EIPR1: variants seen among roughly 807,000 people sequenced by gnomAD.
EIPR1 encodes EARP and GARP complex-interacting protein 1.
In EIPR1, 25 loss-of-function variants were observed where a neutral mutation model predicts 48.1. That is an observed-to-expected ratio of 0.52 (90% CI 0.38 to 0.73). EIPR1 has a LOEUF of 0.73. Among genes scored for constraint, EIPR1 ranks in the 30% least tolerant of loss-of-function variants. EIPR1 has a pLI of 0.00. For missense variants in EIPR1, 415 were observed against 506.2 expected, an observed-to-expected ratio of 0.82 and a Z score of 1.73; for synonymous variants, 204 against 201.9, an observed-to-expected ratio of 1.01 and a Z score of -0.09.
chr2:3,347,066 G>A (rs1339804326), intron 2 of EIPR1, among the ~76,000 whole-genome samples: 3 of 152,026 alleles, frequency 2.0e-5, no homozygotes, highest in African/African-American at 7.2e-5. Flanking sequence ...CTTTGCTCCC[G>A]CCCTCGCCAT....
At chr2:3,243,660 A>G (rs1274138966) in intron 4 of EIPR1, among the ~76,000 whole-genome samples, 1 of 152,154 alleles carries the variant, frequency 6.6e-6, no homozygotes, top group Non-Finnish European at 1.5e-5. Context: ...AATTAAATTA[A>G]AAATTTTTTT....
intron 1 of EIPR1, among the ~76,000 whole-genome samples, chr2:3,371,842 G>C (rs867873007): frequency 6.6e-6 from 1 of 152,060 alleles, no homozygotes; most frequent in African/African-American, 2.4e-5. Flanking sequence ...AAGTTAAAAA[G>C]GATACCCAGG....
chr2:3,334,290 T>G (rs1337872306), intron 3 of EIPR1, among the ~76,000 whole-genome samples: 1 of 152,268 alleles, frequency 6.6e-6, no homozygotes, highest in African/African-American at 2.4e-5. Context: ...GAAGTGATGA[T>G]TTAAGCAATG....
intron 1 of EIPR1, among the ~76,000 whole-genome samples, chr2:3,371,725 C>A (rs570158968): frequency 6.6e-6 from 1 of 152,314 alleles, no homozygotes; most frequent in South Asian, 2.1e-4. Flanking sequence ...CACCCAGATT[C>A]ATAAAGTAAG....
intron 1 of EIPR1, among the ~76,000 whole-genome samples, chr2:3,358,563 C>A (rs1670786617): frequency 6.6e-6 from 1 of 152,238 alleles, no homozygotes; most frequent in Non-Finnish European, 1.5e-5. Flanking sequence ...TCTGCTGCAA[C>A]TTCCCTGGAC....
At chr2:3,314,578 G>C (rs1572430210) in intron 3 of EIPR1, among the ~76,000 whole-genome samples, 2 of 152,140 alleles carry the variant, frequency 1.3e-5, no homozygotes, top group East Asian at 3.9e-4. Context: ...ACAGGCAGAA[G>C]AGGAGCAGGA....
intron 3 of EIPR1, among the ~76,000 whole-genome samples, chr2:3,276,995 G>C (rs1051551906): frequency 5.9e-5 from 9 of 152,262 alleles, no homozygotes; most frequent in Non-Finnish European, 1.0e-4. Context: ...TGTCAGTTAC[G>C]GGTACTGTGT....
chr2:3,313,151 G>A (rs1036115232), intron 3 of EIPR1, among the ~76,000 whole-genome samples: 1 of 152,190 alleles, frequency 6.6e-6, no homozygotes, highest in African/African-American at 2.4e-5. Context: ...TGCGATGAGG[G>A]CTGCACTTCT....
At position 3,257,409 on chromosome 2, in the gene EIPR1, C is replaced by T. The variant is rs1667193014; in HGVS notation, c.306G>A (p.Pro102=). The T allele has an allele frequency of 1.9e-6, 3 of 1,614,192 alleles. No homozygotes were observed. Among genetic ancestry groups the T allele is most frequent in the Non-Finnish European group, 2.5e-6 (3 of 1,180,038 alleles). ...VLTCAAVWRM[P]KELESGSHES... is the part of the protein sequence containing the mutation. ...CGTGGCTGCCTGATTCCAATTCCTT[C>T]GGCATCCTCCACACGGCTGCACATG... The change falls in exon 4 of 9, where the codon CCG becomes CCA. Residue 102 remains proline (P), a synonymous_variant. Coordinates refer to ENST00000382125, the MANE Select transcript of EIPR1 (RefSeq NM_003310.5).
chr2:3,228,524 ATGAGT>A (rs566168254), intron 4 of EIPR1, among the ~76,000 whole-genome samples: 5 of 152,342 alleles, frequency 3.3e-5, no homozygotes, highest in East Asian at 3.9e-4. Context: ...TAATGCTGGA[ATGAGT>A]TAAGACTTTG....
At chr2:3,353,719 G>A (rs956416373) in intron 2 of EIPR1, among the ~76,000 whole-genome samples, 1 of 152,204 alleles carries the variant, frequency 6.6e-6, no homozygotes, top group African/African-American at 2.4e-5. Context: ...CTCTAAGGAT[G>A]TATCACTGAA....
chr2:3,203,517 G>C (rs1033796276), intron 5 of EIPR1, among the ~76,000 whole-genome samples: 2 of 152,260 alleles, frequency 1.3e-5, no homozygotes, highest in Admixed American at 1.3e-4. Context: ...AGTCGGACAG[G>C]AGAGCCCGCA....
intron 8 of EIPR1, among the ~76,000 whole-genome samples, chr2:3,192,167 G>C (rs1345965230): frequency 6.6e-6 from 1 of 152,176 alleles, no homozygotes; most frequent in Non-Finnish European, 1.5e-5. Context: ...CATTCAATAA[G>C]AATACAAACA....
chr2:3,191,265 T>C (rs62118986), intron 8 of EIPR1, among the ~76,000 whole-genome samples: 91 of 17,866 alleles, frequency 5.1e-3, no homozygotes, highest in African/African-American at 0.02. Flanking sequence ...AGAGAGGGTC[T>C]GAAGACAGAG....
At chr2:3,205,797 G>T (rs148863262) in intron 5 of EIPR1, among the ~76,000 whole-genome samples, 5 of 152,332 alleles carry the variant, frequency 3.3e-5, no homozygotes, top group Non-Finnish European at 7.4e-5. Flanking sequence ...TTGAGGCTTG[G>T]CTCCAGCTCC....
At chr2:3,318,349 C>T (rs984669186) in intron 3 of EIPR1, among the ~76,000 whole-genome samples, 6 of 152,186 alleles carry the variant, frequency 3.9e-5, no homozygotes, top group African/African-American at 7.2e-5. Context: ...TAGAGCAGGA[C>T]GCCGTGAGGA....
At chr2:3,307,117 C>A (rs113051807) in intron 3 of EIPR1, among the ~76,000 whole-genome samples, 1 of 152,010 alleles carries the variant, frequency 6.6e-6, no homozygotes, top group African/African-American at 2.4e-5. Context: ...CGCCTGCCAC[C>A]ACACCCTGCT....
intron 4 of EIPR1, among the ~76,000 whole-genome samples, chr2:3,240,908 A>G (rs879601143): frequency 0.086 from 6,414 of 74,592 alleles, 54 homozygotes; most frequent in Non-Finnish European, 0.11. Flanking sequence ...AAGCCAGCAG[A>G]TCCTTCCTAA....
At chr2:3,201,452 C>T (rs905839452) in intron 5 of EIPR1, among the ~76,000 whole-genome samples, 5 of 152,206 alleles carry the variant, frequency 3.3e-5, no homozygotes, top group Non-Finnish European at 5.9e-5. Flanking sequence ...CTTCTCATTA[C>T]GTTTGCGGCA....
Sources: allele counts gnomAD v4.1 joint callset (sites outside exome capture counted in the v4.1 genomes callset), GRCh38; gene constraint gnomAD v4.1.1; transcripts MANE v1.5; gene names NCBI Gene and HGNC (gene_info 2026-07-23, HGNC 2026-07-21).